UGT8: variants seen among roughly 807,000 people sequenced by gnomAD.
The protein encoded by UGT8 is UDP glycosyltransferase 8.
UGT8 carries 12 observed loss-of-function variants against 40.5 expected under a neutral mutation model. The ratio of observed to expected loss-of-function variants is 0.30; its 90% CI spans 0.19 to 0.48. The LOEUF is 0.48. Among genes scored for constraint, UGT8 ranks in the 20% least tolerant of loss-of-function variants. UGT8 has a pLI of 0.99. For missense variants in UGT8, 513 were observed against 648.7 expected (o/e 0.79, Z 2.27); for synonymous variants, 224 against 240.4 (o/e 0.93, Z 0.63).
In UGT8 at chr4:114,613,990, G is replaced by A. The variant is rs538993433; in HGVS notation, c.-2-8889G>A. 1.6e-4 allele frequency among the ~76,000 whole-genome samples: 24 copies of A among 152,160 alleles called. No homozygotes were observed. In the South Asian group the frequency reaches 2.1e-3, roughly 13 times the overall value. ...TACTGAGTGCAGTCTGTTGATATTC[G>A]TATTATCTTATTTTTATTTTCTCAC... On this transcript the variant is annotated intron_variant, in intron 1 of 5. Transcript: ENST00000310836.
chr4:114,614,780 C>A (rs1401413723), intron 1 of UGT8, among the ~76,000 whole-genome samples: 1 of 151,402 alleles, frequency 6.6e-6, no homozygotes. Flanking sequence ...CTGCTGACAG[C>A]CAAACTGAGT....
intron 2 of UGT8, among the ~76,000 whole-genome samples, chr4:114,627,502 C>T (rs1300418547): frequency 6.6e-6 from 1 of 152,094 alleles, no homozygotes; most frequent in Non-Finnish European, 1.5e-5. Context: ...TTGTGATCTG[C>T]CCGTCTCGGC....
At chr4:114,662,334 G>A (rs1165744505) in intron 2 of UGT8, among the ~76,000 whole-genome samples, 6 of 152,306 alleles carry the variant, frequency 3.9e-5, no homozygotes, top group African/African-American at 1.4e-4. Context: ...ACATTGCAGA[G>A]TAAGAGCTAC....
chr4:114,612,788 C>G (rs1166513794), intron 1 of UGT8, among the ~76,000 whole-genome samples: 1 of 152,052 alleles, frequency 6.6e-6, no homozygotes, highest in Admixed American at 6.6e-5. Context: ...GGGGCCCTAC[C>G]CTACGTCTAC....
intron 1 of UGT8, among the ~76,000 whole-genome samples, chr4:114,606,568 G>A (rs191076195): frequency 3.9e-5 from 6 of 152,266 alleles, no homozygotes; most frequent in African/African-American, 4.8e-5. Flanking sequence ...AGGGAAGAAC[G>A]GTGAAATGTA....
chr4:114,664,823 G>A (rs981858775), intron 3 of UGT8, among the ~76,000 whole-genome samples: 2 of 152,256 alleles, frequency 1.3e-5, no homozygotes, highest in African/African-American at 2.4e-5. Context: ...GGGATACAAC[G>A]TCGGTCCCAT....
chr4:114,626,630 C>A (rs942959835), intron 2 of UGT8, among the ~76,000 whole-genome samples: 1 of 152,182 alleles, frequency 6.6e-6, no homozygotes, highest in African/African-American at 2.4e-5. Context: ...AATAGTCCAT[C>A]CATTTCTCAC....
rs774343487 is a variant in UGT8 at position 114,675,964 on chromosome 4, G to A, written c.1302G>A (p.Lys434=). ...QRAQKLSEIH[K]DQPGHPVNRT... is the part of the protein sequence containing the mutation. ...CTCAGAAGCTTTCGGAAATTCACAAGGATCAACCTGGTCACCCTGTCAATC... is the reference window on the plus strand; with the variant it reads ...CTCAGAAGCTTTCGGAAATTCACAAAGATCAACCTGGTCACCCTGTCAATC... The change falls in exon 6 of 6, where the codon AAG becomes AAA. Residue 434 remains lysine, a synonymous_variant. Coordinates refer to ENST00000310836, the MANE Select transcript of UGT8 (RefSeq NM_001128174.3). The A allele has an allele frequency of 4.3e-6, 7 of 1,613,972 alleles. No individual in the cohort carries two copies. In the South Asian group the frequency reaches 5.5e-5, roughly 13 times the overall value.
Position 114,675,974 on chromosome 4 carries a change from G to T in UGT8, c.1312G>T (p.Gly438Cys). ...KLSEIHKDQP[G>C]HPVNRTIYWI... ...TTCGGAAATTCACAAGGATCAACCT[G>T]GTCACCCTGTCAATCGAACTATCTA... The change falls in exon 6 of 6, where the codon GGT (glycine) becomes TGT (cysteine). Residue 438 changes from glycine (G) to cysteine (C), a missense_variant. By Grantham distance (159) the Gly-to-Cys change is radical (BLOSUM62 -3). This residue lies in a region of UGT8 where 175 missense variants were observed against 186.7 expected (regional missense o/e 0.94). Transcript: ENST00000310836. 6.2e-7 allele frequency: 1 copy of T among 1,614,040 alleles called. No homozygotes were observed. The highest frequency in any genetic ancestry group is 8.5e-7 in the Non-Finnish European group (1 of 1,180,006).
chr4:114,644,100 AT>A lies in UGT8; in HGVS notation c.823-19894del, dbSNP rs563487142. Among the ~76,000 whole-genome samples, 221 of 152,296 alleles carry A rather than the reference AT, an allele frequency of 1.5e-3. 3 individuals carry two copies. Among genetic ancestry groups the A allele is most frequent in the Middle Eastern group, 3.4e-3 (1 of 294 alleles). The stretch of plus-strand genomic sequence containing the variant: ...ATCTGCAAATAACACAGCACTTGTT[AT>A]GCCATTTCTCTCTTGAGAAATAGTT... On this transcript the variant is annotated intron_variant, in intron 2 of 5. Transcript: ENST00000310836.
intron 5 of UGT8, among the ~76,000 whole-genome samples, chr4:114,672,869 G>A (rs894581529): frequency 1.8e-4 from 27 of 152,064 alleles, no homozygotes; most frequent in African/African-American, 6.3e-4. Flanking sequence ...CACATCTTAC[G>A]TCTCTGTTTC....
At chr4:114,663,108 C>T (rs745451521) in intron 2 of UGT8, among the ~76,000 whole-genome samples, 1 of 152,054 alleles carries the variant, frequency 6.6e-6, no homozygotes, top group Non-Finnish European at 1.5e-5. Flanking sequence ...CAGGCGTGAG[C>T]CACCATGCCT....
chr4:114,631,629 C>G (rs1473582671), intron 2 of UGT8, among the ~76,000 whole-genome samples: 1 of 152,160 alleles, frequency 6.6e-6, no homozygotes, highest in Admixed American at 6.6e-5. Context: ...CTTAGTAGAT[C>G]TGGGGTGGGT....
At chr4:114,656,404 C>T (rs1734189554) in intron 2 of UGT8, among the ~76,000 whole-genome samples, 1 of 151,968 alleles carries the variant, frequency 6.6e-6, no homozygotes, top group Non-Finnish European at 1.5e-5. Context: ...GGAGACATTT[C>T]TTTAAAGTGC....
At chr4:114,652,489 G>T (rs141276713) in intron 2 of UGT8, among the ~76,000 whole-genome samples, 48 of 151,916 alleles carry the variant, frequency 3.2e-4, no homozygotes, top group African/African-American at 1.1e-3. Flanking sequence ...AAACTGGTTG[G>T]CATTGGGAAG....
chr4:114,673,425 C>G (rs1168986741), intron 5 of UGT8, among the ~76,000 whole-genome samples: 1 of 152,188 alleles, frequency 6.6e-6, no homozygotes, highest in Non-Finnish European at 1.5e-5. Flanking sequence ...TATAAGTCTA[C>G]TCCTAGGTGG....
chr4:114,636,342 C>G (rs1161778434), intron 2 of UGT8, among the ~76,000 whole-genome samples: 1 of 152,182 alleles, frequency 6.6e-6, no homozygotes, highest in Non-Finnish European at 1.5e-5. Flanking sequence ...CTACTGGTTA[C>G]TACCAGCTGA....
intron 2 of UGT8, among the ~76,000 whole-genome samples, chr4:114,663,492 A>G (rs1292794365): frequency 6.6e-6 from 1 of 152,096 alleles, no homozygotes; most frequent in Non-Finnish European, 1.5e-5. Context: ...ATTAAAAACA[A>G]GCTTGTGCCT....
At chr4:114,660,333 A>G (rs1411642582) in intron 2 of UGT8, among the ~76,000 whole-genome samples, 1 of 152,228 alleles carries the variant, frequency 6.6e-6, no homozygotes, top group African/African-American at 2.4e-5. Context: ...GATATAGACA[A>G]TATGAAAACA....
Sources: gnomAD v4.1 joint callset for allele counts (sites outside exome capture counted in the v4.1 genomes callset) on GRCh38, gnomAD v4.1.1 for gene constraint, gnomAD v4.1.1 regional missense constraint, MANE v1.5 for transcripts, NCBI Gene and HGNC (gene_info 2026-07-23, HGNC 2026-07-21) for gene names.